The following ZNF804B variants were observed in gnomAD, a reference collection of about 807,000 sequenced individuals.
ZNF804B encodes zinc finger protein 804B, also known as zinc finger 804B.
ZNF804B carries 80 observed loss-of-function variants against 101.4 expected under a neutral mutation model. The observed-to-expected ratio is 0.79, with a 90% confidence interval of 0.66 to 0.95. The LOEUF (loss-of-function observed/expected upper bound fraction) is 0.95. ZNF804B is among the 40% of genes least tolerant of loss of function. ZNF804B has a pLI of 0.00. For synonymous variants in ZNF804B, 622 were observed against 558.8 expected, an observed-to-expected ratio of 1.11 and a Z score of -1.59; for missense variants, 1,673 against 1,561.9, an observed-to-expected ratio of 1.07 and a Z score of -1.20.
At chr7:89,287,370 CTATTG>C (rs1790218837) in intron 2 of ZNF804B, among the ~76,000 whole-genome samples, 1 of 152,068 alleles carries the variant, frequency 6.6e-6, no homozygotes. Context: ...GAGCTCAAGG[CTATTG>C]TCTTTGTGAG....
At position 89,335,553 on chromosome 7, in the gene ZNF804B, C is replaced by T. The variant is rs770601460; in HGVS notation, c.2571C>T (p.Tyr857=). 1 of 1,613,880 alleles carries T rather than the reference C, an allele frequency of 6.2e-7. No individual in the cohort carries two copies. The highest frequency in any genetic ancestry group is 1.1e-5 in the South Asian group (1 of 91,080). ...QGTQHDRLDS[Y]SIEKMYYLNK... is the part of the protein sequence containing the mutation. ...CTCAGCACGACAGATTGGACTCTTA[C>T]TCAATAGAGAAAATGTATTACTTGA... Residue 857 remains tyrosine, a synonymous_variant, in exon 4 of 4, where the codon TAC becomes TAT. Coordinates refer to ENST00000333190, the MANE Select transcript of ZNF804B (RefSeq NM_181646.5).
At chr7:89,026,925 A>G (rs1318282294) in intron 1 of ZNF804B, among the ~76,000 whole-genome samples, 2 of 152,188 alleles carry the variant, frequency 1.3e-5, no homozygotes, top group African/African-American at 4.8e-5. Context: ...AATCTTTAGC[A>G]TAAAGATATT....
chr7:89,010,873 GC>G (rs1343278511), intron 1 of ZNF804B, among the ~76,000 whole-genome samples: 2 of 152,160 alleles, frequency 1.3e-5, no homozygotes, highest in Admixed American at 1.3e-4. Context: ...GAGTTTGATT[GC>G]TGTGTTCCTA....
intron 1 of ZNF804B, among the ~76,000 whole-genome samples, chr7:89,180,539 C>G (rs902665310): frequency 1.3e-5 from 2 of 151,946 alleles, no homozygotes; most frequent in African/African-American, 4.8e-5. Flanking sequence ...TCCCTCCTGG[C>G]TCAAGGTGTG....
Position 88,868,727 on chromosome 7 carries a change from T to C in ZNF804B, c.108+108643T>C, listed in dbSNP as rs1313550065. On this transcript the variant is annotated intron_variant, in intron 1 of 3. Transcript: ENST00000333190. ...ACATTTCTAAAGACAGGAAAACATATTGGGTCAAATTTACAGCTATCTTTG... is the reference window on the plus strand; with the variant it reads ...ACATTTCTAAAGACAGGAAAACATACTGGGTCAAATTTACAGCTATCTTTG... 2.0e-5 allele frequency among the ~76,000 whole-genome samples: 3 copies of C among 152,328 alleles called. 1 individual carries two copies. The highest frequency in any genetic ancestry group is 4.1e-4 in the South Asian group (2 of 4,830).
intron 2 of ZNF804B, among the ~76,000 whole-genome samples, chr7:89,323,578 T>G (rs889305056): frequency 2.0e-5 from 3 of 152,142 alleles, no homozygotes; most frequent in Non-Finnish European, 4.4e-5. Flanking sequence ...ATAATTATGT[T>G]GCTTAGTTTT....
At position 89,278,989 on chromosome 7, in the gene ZNF804B, A is replaced by G. The variant is rs958661010; in HGVS notation, c.250-48355A>G. Among the ~76,000 whole-genome samples, 53 of 152,246 alleles carry G rather than the reference A, an allele frequency of 3.5e-4. 1 individual carries two copies. The highest frequency in any genetic ancestry group is 1.1e-3 in the African/African-American group (45 of 41,550). On this transcript the variant is annotated intron_variant, in intron 2 of 3. Transcript: ENST00000333190. ...TGATTCTTCCTATCCATGAGCATGG[A>G]ATGTTCTTCCATTTGTTTGTATCCT...
intron 1 of ZNF804B, among the ~76,000 whole-genome samples, chr7:89,003,696 G>T (rs1296344939): frequency 6.6e-6 from 1 of 151,910 alleles, no homozygotes; most frequent in Non-Finnish European, 1.5e-5. Flanking sequence ...AAAATGTTCA[G>T]ATTCAAAGCC....
chr7:89,078,874 A>G (rs1015858431), intron 1 of ZNF804B, among the ~76,000 whole-genome samples: 1 of 152,034 alleles, frequency 6.6e-6, no homozygotes, highest in African/African-American at 2.4e-5. Flanking sequence ...ATGATATTAT[A>G]AGATATATAA....
At position 89,133,414 on chromosome 7, in the gene ZNF804B, A is replaced by G. The variant is rs556589127; in HGVS notation, c.109-84741A>G. 3.1e-3 allele frequency among the ~76,000 whole-genome samples: 466 copies of G among 152,156 alleles called. 2 individuals are homozygous for G. The highest frequency in any genetic ancestry group is 0.011 in the African/African-American group (438 of 41,540). On this transcript the variant is annotated intron_variant, in intron 1 of 3. Coordinates refer to ENST00000333190, the MANE Select transcript of ZNF804B (RefSeq NM_181646.5). Reference sequence around the variant, plus strand: ...GGCCAACACTGAGAAAGCCTGCACAAGGGACCTAGGTTCCTTTCACATAAG... The same window carrying G: ...GGCCAACACTGAGAAAGCCTGCACAGGGGACCTAGGTTCCTTTCACATAAG...
chr7:88,931,630 A>G (rs1287544791), intron 1 of ZNF804B, among the ~76,000 whole-genome samples: 2 of 151,860 alleles, frequency 1.3e-5, no homozygotes, highest in East Asian at 3.9e-4. Flanking sequence ...CTTCAGTTTT[A>G]TATTTACTTG....
Position 89,133,960 on chromosome 7 carries a change from A to C in ZNF804B, c.109-84195A>C, listed in dbSNP as rs1790591702. ...AAGCATTTTCTCCAATTTTTGTTTA[A>C]GGATCTAAGTCACGGAATTTATGCA... On this transcript the variant is annotated intron_variant, in intron 1 of 3. Transcript: ENST00000333190. Among the ~76,000 whole-genome samples the C allele has an allele frequency of 2.0e-5, 3 of 152,194 alleles. No homozygotes were observed. The South Asian group carries it at 6.2e-4, about 32-fold the overall frequency.
intron 1 of ZNF804B, among the ~76,000 whole-genome samples, chr7:89,018,747 A>G (rs1788611781): frequency 6.6e-6 from 1 of 151,896 alleles, no homozygotes; most frequent in Admixed American, 6.6e-5. Context: ...ATGTCCAGAA[A>G]TTTACTTTTT....
chr7:89,304,208 T>C (rs371908343), intron 2 of ZNF804B, among the ~76,000 whole-genome samples: 45 of 152,042 alleles, frequency 3.0e-4, no homozygotes, highest in African/African-American at 1.1e-3. Context: ...CCAGTCTCTG[T>C]GGGACCATAG....
intron 1 of ZNF804B, among the ~76,000 whole-genome samples, chr7:88,884,350 G>A (rs1792087797): frequency 6.6e-6 from 1 of 151,486 alleles, no homozygotes; most frequent in African/African-American, 2.4e-5. Context: ...AAAAGTACAT[G>A]TATCTTGTTC....
At chr7:89,011,620 C>T (rs1788463487) in intron 1 of ZNF804B, among the ~76,000 whole-genome samples, 1 of 152,090 alleles carries the variant, frequency 6.6e-6, no homozygotes, top group African/African-American at 2.4e-5. Context: ...CATGCAACTC[C>T]ACAACCCAAT....
At position 88,822,505 on chromosome 7, in the gene ZNF804B, G is replaced by A. The variant is rs191055018; in HGVS notation, c.108+62421G>A. 1.9e-3 allele frequency among the ~76,000 whole-genome samples: 282 copies of A among 152,186 alleles called. 1 individual carries two copies. The highest frequency in any genetic ancestry group is 3.1e-3 in the Admixed American group (48 of 15,262). On this transcript the variant is annotated intron_variant, in intron 1 of 3. Transcript: ENST00000333190. Reference sequence around the variant, plus strand: ...ACTTCTTTCAGCTTGGGAAAGTATGGGCAGAAAGATAGTGAACTTTAGCAT... The same window carrying A: ...ACTTCTTTCAGCTTGGGAAAGTATGAGCAGAAAGATAGTGAACTTTAGCAT...
chr7:89,239,969 T>A (rs1241445152), intron 2 of ZNF804B, among the ~76,000 whole-genome samples: 1 of 151,882 alleles, frequency 6.6e-6, no homozygotes, highest in Non-Finnish European at 1.5e-5. Flanking sequence ...ATTAATGGTA[T>A]CTAACTTCTC....
At chr7:88,865,228 CAAAAA>C in intron 1 of ZNF804B, among the ~76,000 whole-genome samples, 1 of 115,800 alleles carries the variant, frequency 8.6e-6, no homozygotes, top group African/African-American at 3.0e-5. Flanking sequence ...GACTTCGTAT[CAAAAA>C]AAAAAAAAAA....
Sources: allele counts gnomAD v4.1 joint callset (sites outside exome capture counted in the v4.1 genomes callset), GRCh38; gene constraint gnomAD v4.1.1; transcripts MANE v1.5; gene names NCBI Gene and HGNC (gene_info 2026-07-23, HGNC 2026-07-21).